MEOX2: variants seen among roughly 807,000 people sequenced by gnomAD.
The protein encoded by MEOX2 is homeobox protein MOX-2.
In MEOX2, 11 loss-of-function variants were observed where a neutral mutation model predicts 27.0. The ratio of observed to expected loss-of-function variants is 0.41; its 90% CI spans 0.26 to 0.68. The LOEUF is 0.68. Ranked by LOEUF, MEOX2 falls within the 30% of genes least tolerant of loss-of-function variation. The probability of loss-of-function intolerance (pLI) is 0.33; values close to 1 mark genes in which losing one functional copy is unlikely to be tolerated. For synonymous variants in MEOX2, 189 were observed against 155.4 expected (o/e 1.22, Z -1.61); for missense variants, 436 against 385.4 (o/e 1.13, Z -1.10).
intron 1 of MEOX2, chr7:15,678,774 C>T (rs576537654): frequency 6.6e-6 from 1 of 152,322 alleles, no homozygotes; most frequent in South Asian, 2.1e-4. Flanking sequence ...AAATTCTAGG[C>T]CTTTAAAATT....
chr7:15,648,397 A>T (rs1781682459), intron 1 of MEOX2, among the ~76,000 whole-genome samples: 1 of 152,146 alleles, frequency 6.6e-6, no homozygotes, highest in South Asian at 2.1e-4. Flanking sequence ...GGATGAAGGA[A>T]TAAAAAGAAA....
chr7:15,649,332 G>T (rs960196731), intron 1 of MEOX2, among the ~76,000 whole-genome samples: 1 of 151,926 alleles, frequency 6.6e-6, no homozygotes. Flanking sequence ...CAGTAAGGGT[G>T]GGGGGAGACA....
chr7:15,683,730 T>C (rs1310232164), intron 1 of MEOX2, among the ~76,000 whole-genome samples: 1 of 152,152 alleles, frequency 6.6e-6, no homozygotes, highest in African/African-American at 2.4e-5. Flanking sequence ...ACAGAAACTA[T>C]TGTGATTTTC....
At chr7:15,613,464 C>G (rs539649176) in intron 2 of MEOX2, among the ~76,000 whole-genome samples, 1 of 151,478 alleles carries the variant, frequency 6.6e-6, no homozygotes, top group East Asian at 1.9e-4. Context: ...GGCATTATTG[C>G]ATCTTGTTTA....
chr7:15,676,565 A>G (rs1252636702), intron 1 of MEOX2, among the ~76,000 whole-genome samples: 1 of 151,830 alleles, frequency 6.6e-6, no homozygotes, highest in Non-Finnish European at 1.5e-5. Flanking sequence ...CCCTCTGTAC[A>G]CTCCTTTTAA....
In MEOX2 at chr7:15,612,110, A is replaced by G. The variant is rs1278033187; in HGVS notation, c.*277T>C. 1 of 440,924 alleles carries G rather than the reference A, an allele frequency of 2.3e-6. No individual in the cohort carries two copies. Among genetic ancestry groups the G allele is most frequent in the Non-Finnish European group, 4.1e-6 (1 of 243,648 alleles). 27.3% of individuals were successfully genotyped at this position (440,924 alleles called of 1,614,324 possible). A position where few individuals can be genotyped will look rare whatever the true frequency, so the allele number is the denominator to read the frequency against. ...TAGCAATTTAATTTTCAGTGCAAGCAAAAGCAAACACATACCTGCTCACTG... is the reference window on the plus strand; with the variant it reads ...TAGCAATTTAATTTTCAGTGCAAGCGAAAGCAAACACATACCTGCTCACTG... On this transcript the variant is annotated 3_prime_UTR_variant, in exon 3 of 3. Coordinates refer to ENST00000262041, the MANE Select transcript of MEOX2 (RefSeq NM_005924.5).
intron 1 of MEOX2, among the ~76,000 whole-genome samples, chr7:15,627,753 T>C (rs1328487802): frequency 6.6e-6 from 1 of 151,032 alleles, no homozygotes; most frequent in Non-Finnish European, 1.5e-5. Context: ...ACCCCTGAAA[T>C]GTAGGTCAGA....
chr7:15,647,064 G>C (rs939663875), intron 1 of MEOX2, among the ~76,000 whole-genome samples: 3 of 151,858 alleles, frequency 2.0e-5, no homozygotes, highest in African/African-American at 7.3e-5. Context: ...CATTTTGTTT[G>C]ATGCTCATAA....
chr7:15,628,847 C>T (rs1015149851), intron 1 of MEOX2, among the ~76,000 whole-genome samples: 10 of 152,024 alleles, frequency 6.6e-5, no homozygotes, highest in South Asian at 2.1e-4. Context: ...TAAACTTTTC[C>T]GTGGGCTGTT....
intron 1 of MEOX2, among the ~76,000 whole-genome samples, chr7:15,670,357 A>G (rs1782076183): frequency 6.6e-6 from 1 of 152,212 alleles, no homozygotes. Flanking sequence ...ACCTTCAGAT[A>G]TGCTTCAACT....
chr7:15,632,574 A>T (rs1018685216), intron 1 of MEOX2, among the ~76,000 whole-genome samples: 1 of 151,930 alleles, frequency 6.6e-6, no homozygotes, highest in Non-Finnish European at 1.5e-5. Context: ...AAATTTTAAC[A>T]AAATTAACAA....
intron 1 of MEOX2, among the ~76,000 whole-genome samples, chr7:15,651,755 GA>G (rs1471829924): frequency 6.6e-6 from 1 of 151,120 alleles, no homozygotes; most frequent in African/African-American, 2.4e-5. Context: ...AGACTCTACT[GA>G]AAAAAAGGAA....
chr7:15,684,494 T>C (rs1441876649), intron 1 of MEOX2, among the ~76,000 whole-genome samples: 1 of 152,194 alleles, frequency 6.6e-6, no homozygotes, highest in Non-Finnish European at 1.5e-5. Flanking sequence ...GTTCACCCCC[T>C]GACCTTGGAA....
chr7:15,649,577 T>G (rs1215144326), intron 1 of MEOX2, among the ~76,000 whole-genome samples: 1 of 151,912 alleles, frequency 6.6e-6, no homozygotes, highest in Admixed American at 6.6e-5. Context: ...GAACAAAGAC[T>G]TTAGGTTAGG....
chr7:15,661,046 A>AAG (rs1370580399), intron 1 of MEOX2, among the ~76,000 whole-genome samples: 3 of 150,022 alleles, frequency 2.0e-5, no homozygotes, highest in Admixed American at 6.6e-5. Context: ...AAAAAAGAGA[A>AAG]AGAGAGAGAA....
At chr7:15,674,554 T>TTGTGTGTGTG (rs141430037) in intron 1 of MEOX2, among the ~76,000 whole-genome samples, 4 of 149,804 alleles carry the variant, frequency 2.7e-5, no homozygotes, top group African/African-American at 9.8e-5. Context: ...AGATAAAAGA[T>TTGTGTGTGTG]TCTGTGTGTG....
intron 1 of MEOX2, among the ~76,000 whole-genome samples, chr7:15,647,775 A>G (rs1781674879): frequency 6.6e-6 from 1 of 152,150 alleles, no homozygotes; most frequent in African/African-American, 2.4e-5. Context: ...AAAGATAATC[A>G]TTTAATAAAA....
intron 1 of MEOX2, among the ~76,000 whole-genome samples, chr7:15,660,421 C>T (rs1020302000): frequency 6.6e-6 from 1 of 152,094 alleles, no homozygotes; most frequent in African/African-American, 2.4e-5. Context: ...CCTGTCCACC[C>T]TACTCTCTCG....
At chr7:15,667,459 C>T (rs1291045473) in intron 1 of MEOX2, among the ~76,000 whole-genome samples, 1 of 152,036 alleles carries the variant, frequency 6.6e-6, no homozygotes, top group Non-Finnish European at 1.5e-5. Context: ...TCTTTGGCTT[C>T]CCTATTGTAC....
Sources: gnomAD v4.1 joint callset for allele counts (sites outside exome capture counted in the v4.1 genomes callset) on GRCh38, gnomAD v4.1.1 for gene constraint, MANE v1.5 for transcripts, NCBI Gene and HGNC (gene_info 2026-07-23, HGNC 2026-07-21) for gene names.